The following ZC3H6 variants were observed in gnomAD, a reference collection of about 807,000 sequenced individuals.
The protein encoded by ZC3H6 is zinc finger CCCH domain-containing protein 6.
Under a neutral mutation model 107.7 loss-of-function variants are expected in ZC3H6, and 40 were observed. That is an observed-to-expected ratio of 0.37 (90% confidence interval 0.29 to 0.48). The LOEUF is 0.48. ZC3H6 is among the 20% of genes least tolerant of loss of function. The pLI is 0.98. For synonymous variants in ZC3H6, 493 were observed against 487.9 expected (o/e 1.01, Z -0.14); for missense variants, 1,267 against 1,410.4 (o/e 0.90, Z 1.63).
At position 112,303,257 on chromosome 2, in the gene ZC3H6, C is replaced by G; in HGVS notation, c.242C>G (p.Ser81Trp). Residue 81 changes from serine to tryptophan, a missense_variant, in exon 3 of 12, where the codon TCG becomes TGG. Transcript: ENST00000409871. ...KHNSPSSDDSSDYSLDSDVEH... is the reference protein window; with the variant it reads ...KHNSPSSDDSWDYSLDSDVEH... ...AATTCCCCATCTAGTGATGATAGTT[C>G]GGACTACAGCCTTGATTCAGATGTT... 1 of 1,611,908 alleles carries G rather than the reference C, an allele frequency of 6.2e-7. No individual in the cohort carries two copies.
At chr2:112,299,378 G>A (rs1239000082) in intron 1 of ZC3H6, among the ~76,000 whole-genome samples, 1 of 151,956 alleles carries the variant, frequency 6.6e-6, no homozygotes, top group Admixed American at 6.6e-5. Flanking sequence ...GCCCATTCTT[G>A]GTTCTTAGAT....
chr2:112,331,451 C>T lies in ZC3H6; in HGVS notation c.2533C>T (p.Pro845Ser), dbSNP rs1313780293. The change falls in exon 12 of 12, where the codon CCT becomes TCT. Residue 845 changes from proline to serine, a missense_variant. By Grantham distance (74) the Pro-to-Ser change is moderately conservative. Around this residue, in one of 3 missense-constraint regions of ZC3H6, gnomAD observed 925 missense variants for 1,025.7 expected, o/e 0.90. Coordinates refer to ENST00000409871, the MANE Select transcript of ZC3H6 (RefSeq NM_198581.3). ...KAFLIPLDASPGIMLQDPRSQ... is the reference protein window; with the variant it reads ...KAFLIPLDASSGIMLQDPRSQ... ...TTTCTTAATACCTTTGGATGCCTCA[C>T]CTGGCATAATGCTCCAGGATCCAAG... 3 of 1,613,938 alleles carry T rather than the reference C, an allele frequency of 1.9e-6. No homozygotes were observed. The highest frequency in any genetic ancestry group is 2.5e-6 in the Non-Finnish European group (3 of 1,179,882).
intron 11 of ZC3H6, among the ~76,000 whole-genome samples, chr2:112,327,145 A>G (rs923394668): frequency 1.3e-5 from 2 of 152,152 alleles, no homozygotes; most frequent in Non-Finnish European, 2.9e-5. Context: ...CCAACGGTGT[A>G]TGAAGGTTCT....
intron 1 of ZC3H6, among the ~76,000 whole-genome samples, chr2:112,284,033 T>G (rs1458583161): frequency 4.6e-5 from 7 of 152,272 alleles, no homozygotes; most frequent in Non-Finnish European, 1.0e-4. Context: ...TGTACAGGTT[T>G]CAGCCTGTGA....
rs918175753 is a variant in ZC3H6 at position 112,333,523 on chromosome 2, G to C, written c.*1035G>C. ...CACCCGGCTGGCATTCTGTAACAGA[G>C]GGGATTACCTGGTGTTTTAAGTATT... is the stretch of plus-strand genomic sequence containing the variant. On this transcript the variant is annotated 3_prime_UTR_variant, in exon 12 of 12. Transcript: ENST00000409871. 2 of 152,130 alleles carry C rather than the reference G, an allele frequency of 1.3e-5. No homozygotes were observed. The highest frequency in any genetic ancestry group is 1.3e-4 in the Admixed American group (2 of 15,266). 9.4% of individuals were successfully genotyped at this position (152,130 alleles called of 1,614,324 possible). A position where few individuals can be genotyped will look rare whatever the true frequency, so the allele number is the denominator to read the frequency against.
At chr2:112,279,171 G>A (rs2104689785) in intron 1 of ZC3H6, among the ~76,000 whole-genome samples, 1 of 152,272 alleles carries the variant, frequency 6.6e-6, no homozygotes, top group Admixed American at 6.5e-5. Context: ...GAAATCAGAG[G>A]GAGGTATAAT....
At chr2:112,327,499 C>A (rs1676925065) in intron 11 of ZC3H6, among the ~76,000 whole-genome samples, 1 of 152,078 alleles carries the variant, frequency 6.6e-6, no homozygotes, top group Non-Finnish European at 1.5e-5. Flanking sequence ...CTTCACAATG[C>A]AGCTTTTTAA....
intron 1 of ZC3H6, among the ~76,000 whole-genome samples, chr2:112,277,327 T>C (rs1028352001): frequency 2.6e-4 from 39 of 152,218 alleles, no homozygotes; most frequent in Non-Finnish European, 5.3e-4. Flanking sequence ...ATGGGTTGAC[T>C]AATACCTTGC....
In ZC3H6 at chr2:112,325,091, C is replaced by T; in HGVS notation, c.1980C>T (p.Leu660=). The T allele has an allele frequency of 6.2e-7, 1 of 1,613,978 alleles. No individual in the cohort carries two copies. Among genetic ancestry groups the T allele is most frequent in the Non-Finnish European group, 8.5e-7 (1 of 1,179,882 alleles). Residue 660 remains leucine, a synonymous_variant, in exon 11 of 12, where the codon CTC becomes CTT. Transcript: ENST00000409871. ...TGHGPLPVPG[L]LPAVQRALFV... is the part of the protein sequence containing the mutation. ...ATGGCCCTCTGCCTGTACCAGGCCT[C>T]CTCCCTGCAGTGCAAAGAGCTCTTT...
At position 112,330,993 on chromosome 2, in the gene ZC3H6, G is replaced by C. The variant is rs775321885; in HGVS notation, c.2087-12G>C. ...AATATAAAGTTTATAATAAGTTTTTGTCTGCATTTAGATGATACAGTTAAC... is the reference window on the plus strand; with the variant it reads ...AATATAAAGTTTATAATAAGTTTTTCTCTGCATTTAGATGATACAGTTAAC... On this transcript the variant is annotated splice_polypyrimidine_tract_variant and intron_variant, in intron 11 of 11. Coordinates refer to ENST00000409871, the MANE Select transcript of ZC3H6 (RefSeq NM_198581.3). The C allele has an allele frequency of 7.3e-7, 1 of 1,364,248 alleles. No individual in the cohort carries two copies. Among genetic ancestry groups the C allele is most frequent in the South Asian group, 2.2e-5 (1 of 44,884 alleles). 84.5% of individuals were successfully genotyped at this position (1,364,248 alleles called of 1,614,324 possible).
At chr2:112,278,644 C>T (rs992086693) in intron 1 of ZC3H6, among the ~76,000 whole-genome samples, 2 of 151,914 alleles carry the variant, frequency 1.3e-5, no homozygotes, top group Admixed American at 6.6e-5. Context: ...ATAACATTTT[C>T]AAAAATTAAG....
chr2:112,332,190 G>T lies in ZC3H6; in HGVS notation c.3272G>T (p.Gly1091Val). 1.2e-6 allele frequency: 2 copies of T among 1,613,942 alleles called. No individual in the cohort carries two copies. Among genetic ancestry groups the T allele is most frequent in the Non-Finnish European group, 1.7e-6 (2 of 1,179,866 alleles). Residue 1091 changes from glycine to valine, a missense_variant, in exon 12 of 12, where the codon GGA (glycine) becomes GTA (valine). Around this residue, in one of 3 missense-constraint regions of ZC3H6, gnomAD observed 925 missense variants for 1,025.7 expected, o/e 0.90. Coordinates refer to ENST00000409871, the MANE Select transcript of ZC3H6 (RefSeq NM_198581.3). The stretch of plus-strand genomic sequence containing the variant: ...AGTGACAAAACTGAACCTTCTCCTG[G>T]AGAAGCCATCCTTCCACAAAAACCC... ...KSSDKTEPSP[G>V]EAILPQKPSP...
intron 8 of ZC3H6, 74 bp from the exon 9 acceptor site, chr2:112,322,575 A>G (rs1303065189): frequency 6.8e-7 from 1 of 1,470,234 alleles, no homozygotes; most frequent in African/African-American, 1.4e-5. Context: ...CTACTAACCA[A>G]ACTTAAGTCT....
At chr2:112,322,346 C>G (rs928426195) in intron 8 of ZC3H6, among the ~76,000 whole-genome samples, 5 of 151,832 alleles carry the variant, frequency 3.3e-5, no homozygotes, top group African/African-American at 1.2e-4. Flanking sequence ...CACCGCCCCC[C>G]ACCCCTGCCC....
In ZC3H6 at chr2:112,318,615, A is replaced by G. The variant is rs901804855; in HGVS notation, c.976+1283A>G. ...GTGTCACGTTTGCAAAAATAAAAAA[A>G]TCGTGACAGTGAAGTTTGTTAGCAA... is the stretch of plus-strand genomic sequence containing the variant. On this transcript the variant is annotated intron_variant, in intron 7 of 11. Transcript: ENST00000409871. Among the ~76,000 whole-genome samples the G allele has an allele frequency of 1.2e-4, 18 of 152,346 alleles. No individual in the cohort carries two copies. The South Asian group carries it at 3.7e-3, about 32-fold the overall frequency.
At chr2:112,287,737 GACTACAGGCGCATGCC>G (rs1226248695) in intron 1 of ZC3H6, among the ~76,000 whole-genome samples, 4 of 152,162 alleles carry the variant, frequency 2.6e-5, no homozygotes, top group Admixed American at 6.5e-5. Context: ...ACATAGCTGG[GACTACAGGCGCATGCC>G]ACCACGCCCG....
intron 1 of ZC3H6, among the ~76,000 whole-genome samples, chr2:112,290,652 C>CT (rs67536026): frequency 0.01 from 1,473 of 143,996 alleles, 13 homozygotes; most frequent in African/African-American, 0.033. Context: ...AATGAATGGC[C>CT]TTTTTTTTTT....
At chr2:112,317,692 G>A (rs189382282) in intron 7 of ZC3H6, among the ~76,000 whole-genome samples, 10 of 152,158 alleles carry the variant, frequency 6.6e-5, no homozygotes, top group Admixed American at 3.9e-4. Context: ...TCATTGTGAA[G>A]ATTATAAGTC....
At chr2:112,328,710 G>A (rs552170362) in intron 11 of ZC3H6, among the ~76,000 whole-genome samples, 1 of 152,272 alleles carries the variant, frequency 6.6e-6, no homozygotes, top group South Asian at 2.1e-4. Context: ...GGAGGCCAAG[G>A]CGGGTAGATC....
Sources: gnomAD v4.1 joint callset for allele counts (sites outside exome capture counted in the v4.1 genomes callset) on GRCh38, gnomAD v4.1.1 for gene constraint, gnomAD v4.1.1 regional missense constraint, MANE v1.5 for transcripts, NCBI Gene and HGNC (gene_info 2026-07-23, HGNC 2026-07-21) for gene names.